ERI2: variants seen among roughly 807,000 people sequenced by gnomAD.
ERI2 encodes the protein ERI1 exoribonuclease 2.
ERI2 carries 35 observed loss-of-function variants against 46.8 expected under a neutral mutation model. That is an observed-to-expected ratio of 0.75 (90% CI 0.57 to 0.99). The LOEUF is 0.99. Among genes scored for constraint, ERI2 ranks in the 50% least tolerant of loss-of-function variants. The probability of loss-of-function intolerance (pLI) is 0.00; values close to 1 mark genes in which losing one functional copy is unlikely to be tolerated. For synonymous variants in ERI2, 224 were observed against 271.0 expected, an observed-to-expected ratio of 0.83 and a Z score of 1.70; for missense variants, 695 against 796.2, an observed-to-expected ratio of 0.87 and a Z score of 1.53.
chr16:20,797,210 T>A lies in ERI2; in HGVS notation c.*514A>T, dbSNP rs76234554. On this transcript the variant is annotated 3_prime_UTR_variant, in exon 9 of 9. Coordinates refer to ENST00000357967, the MANE Select transcript of ERI2 (RefSeq NM_001142725.2). ...TTAATATAAAAATAATACCATCAATTGCTGATTAATTTTTAAATGTATAGT... is the reference window on the plus strand; with the variant it reads ...TTAATATAAAAATAATACCATCAATAGCTGATTAATTTTTAAATGTATAGT... The A allele has an allele frequency of 3.1e-5, 38 of 1,220,208 alleles. No homozygotes were observed. The East Asian group carries it at 1.8e-3, about 56-fold the overall frequency. 75.6% of individuals were successfully genotyped at this position (1,220,208 alleles called of 1,614,324 possible). A position where few individuals can be genotyped will look rare whatever the true frequency, so the allele number is the denominator to read the frequency against.
At chr16:20,788,209 C>T (rs2080516790) in intron 10 of ERI2, among the ~76,000 whole-genome samples, 1 of 152,088 alleles carries the variant, frequency 6.6e-6, no homozygotes, top group Non-Finnish European at 1.5e-5. Flanking sequence ...TAACAGGCTA[C>T]CTTAGGTTGA....
chr16:20,802,649 G>T, intron 4 of ERI2, 147 bp downstream of exon 4: 2 of 854,210 alleles, frequency 2.3e-6, no homozygotes, highest in Non-Finnish European at 3.3e-6. Flanking sequence ...CTGGCCTCAA[G>T]CAATTCTCGA....
intron 9 of ERI2, chr16:20,789,676 C>G: frequency 1.8e-6 from 1 of 548,850 alleles, no homozygotes; most frequent in Non-Finnish European, 3.2e-6. Context: ...TAAAGCAACT[C>G]TATTTTTCTT....
intron 10 of ERI2, chr16:20,789,475 T>C (rs778604727): frequency 1.2e-6 from 2 of 1,607,712 alleles, no homozygotes; most frequent in South Asian, 1.1e-5. Context: ...TGTGGCTTAC[T>C]TACCATTGTC....
intron 7 of ERI2, chr16:20,799,594 C>T: frequency 3.9e-6 from 2 of 508,948 alleles, no homozygotes; most frequent in Non-Finnish European, 6.9e-6. Flanking sequence ...ATGTATTAGA[C>T]AGTTCCCCAA....
chr16:20,780,413 C>A, exon 11 of ERI2: 1 of 543,566 alleles, frequency 1.8e-6, no homozygotes, highest in Non-Finnish European at 3.2e-6. Flanking sequence ...CCTTACTCTG[C>A]TGGAGGTATG....
At chr16:20,801,452 A>G in intron 4 of ERI2, 93 bp from the exon 5 acceptor site, 3 of 1,337,786 alleles carry the variant, frequency 2.2e-6, no homozygotes, top group Non-Finnish European at 3.0e-6. Context: ...AATGGTTTTA[A>G]AAGAATCAGA....
chr16:20,798,519 AACTGTACAGTCTACG>A lies in ERI2; in HGVS notation c.1266_1280del (p.Val423_Val427del). 1 of 1,551,612 alleles carries A rather than the reference AACTGTACAGTCTACG, an allele frequency of 6.4e-7. No individual in the cohort carries two copies. Among genetic ancestry groups the A allele is most frequent in the Non-Finnish European group, 8.7e-7 (1 of 1,146,896 alleles). The stretch of plus-strand genomic sequence containing the variant: ...TCTCTAAGTCTGAGTCACTAATGGG[AACTGTACAGTCTACG>A]TTTTCCTCAGGCTGAGATGCTGGCA... On this transcript the variant is annotated inframe_deletion, in exon 9 of 9. Coordinates refer to ENST00000357967, the MANE Select transcript of ERI2 (RefSeq NM_001142725.2).
At chr16:20,780,779 C>T in intron 10 of ERI2, 9 of 1,614,160 alleles carry the variant, frequency 5.6e-6, no homozygotes, top group Middle Eastern at 1.6e-4. Context: ...ATATTCTTTA[C>T]CAGTGGAACA....
At chr16:20,793,390 AC>A (rs35457598), downstream of ERI2, among the ~76,000 whole-genome samples, 2 of 152,140 alleles carry the variant, frequency 1.3e-5, no homozygotes, top group African/African-American at 2.4e-5. Flanking sequence ...AATCACTTGG[AC>A]CCGGGACGGG....
rs770094810 is a variant in ERI2 at position 20,797,901 on chromosome 16, A to G, written c.1899T>C (p.Cys633=). Residue 633 remains cysteine, a synonymous_variant, in exon 9 of 9, where the codon TGT becomes TGC. Coordinates refer to ENST00000357967, the MANE Select transcript of ERI2 (RefSeq NM_001142725.2). ...TTTGTTCCCATTTGAAATAACCACA[A>G]CATTTTCTGTTTTCTTGGTATTTCC... ...PIGKYQENRK[C]CGYFKWEQTL... is the part of the protein sequence containing the mutation. 138 of 1,551,706 alleles carry G rather than the reference A, an allele frequency of 8.9e-5. No homozygotes were observed. Among genetic ancestry groups the G allele is most frequent in the Non-Finnish European group, 1.1e-4 (128 of 1,146,932 alleles).
Position 20,798,076 on chromosome 16 carries a change from G to C in ERI2, c.1724C>G (p.Ser575Cys). 6.4e-7 allele frequency: 1 copy of C among 1,551,548 alleles called. No individual in the cohort carries two copies. Among genetic ancestry groups the C allele is most frequent in the African/African-American group, 1.4e-5 (1 of 73,134 alleles). ...VRSSSWRRLP[S>C]ILTSTVNLQE... is the part of the protein sequence containing the mutation. ...TAGGTTAACTGTAGAAGTTAATATAGATGGGAGACGCCTCCAGGAAGAACT... is the reference window on the plus strand; with the variant it reads ...TAGGTTAACTGTAGAAGTTAATATACATGGGAGACGCCTCCAGGAAGAACT... The change falls in exon 9 of 9, where the codon TCT (serine) becomes TGT (cysteine). Residue 575 changes from serine (S) to cysteine (C), a missense_variant. Physicochemically the swap from Ser to Cys is moderately radical, Grantham distance 112 (BLOSUM62 -1). Coordinates refer to ENST00000357967, the MANE Select transcript of ERI2 (RefSeq NM_001142725.2).
intron 10 of ERI2, chr16:20,781,013 T>C: frequency 6.2e-7 from 1 of 1,614,234 alleles, no homozygotes; most frequent in Non-Finnish European, 8.5e-7. Context: ...TGATGTGGAA[T>C]ACCTCAGATA....
At chr16:20,783,947 A>G (rs923438523) in intron 10 of ERI2, among the ~76,000 whole-genome samples, 4 of 152,148 alleles carry the variant, frequency 2.6e-5, no homozygotes, top group Middle Eastern at 3.2e-3. Context: ...GTAGGATTAC[A>G]GGTGTGCACC....
Position 20,796,551 on chromosome 16 carries a change from T to C in ERI2, c.*1173A>G. The C allele has an allele frequency of 6.3e-7, 1 of 1,592,394 alleles. No homozygotes were observed. Among genetic ancestry groups the C allele is most frequent in the Non-Finnish European group, 8.5e-7 (1 of 1,174,972 alleles). On this transcript the variant is annotated 3_prime_UTR_variant, in exon 9 of 9. Coordinates refer to ENST00000357967, the MANE Select transcript of ERI2 (RefSeq NM_001142725.2). ...TTGTGGACAATTTCAAGTGTTTATT[T>C]TTACATTTTAATGAATATTTTCTTC...
chr16:20,804,259 T>C (rs1350786705), intron 1 of ERI2, among the ~76,000 whole-genome samples: 1 of 152,228 alleles, frequency 6.6e-6, no homozygotes, highest in African/African-American at 2.4e-5. Flanking sequence ...CTGAAAATCT[T>C]ATTTTTCCCC....
rs1471436863 is a variant in ERI2 at position 20,798,842 on chromosome 16, T to A, written c.958A>T (p.Ser320Cys). The change falls in exon 9 of 9, where the codon AGT becomes TGT. Residue 320 changes from serine (S) to cysteine (C), a missense_variant. Transcript: ENST00000357967. ...QLQVKNNIKA[S>C]LHNVKSSLPL... ...AAGGAACTTTTGACATTGTGAAGACTTGCTTTTATATTGTTTTTTACTTGT... is the reference window on the plus strand; with the variant it reads ...AAGGAACTTTTGACATTGTGAAGACATGCTTTTATATTGTTTTTTACTTGT... 6.4e-7 allele frequency: 1 copy of A among 1,551,150 alleles called. No homozygotes were observed. Among genetic ancestry groups the A allele is most frequent in the Admixed American group, 2.0e-5 (1 of 50,898 alleles).
chr16:20,792,977 C>T (rs938767118), downstream of ERI2, among the ~76,000 whole-genome samples: 1 of 152,194 alleles, frequency 6.6e-6, no homozygotes, highest in African/African-American at 2.4e-5. Context: ...TACAAGTTCT[C>T]ACAAGTATTT....
chr16:20,780,771 A>G (rs1567353625), intron 10 of ERI2: 2 of 1,614,192 alleles, frequency 1.2e-6, no homozygotes, highest in Non-Finnish European at 1.7e-6. Context: ...TCATGGCCAT[A>G]TTCTTTACCA....
Sources: allele counts gnomAD v4.1 joint callset (sites outside exome capture counted in the v4.1 genomes callset), GRCh38; gene constraint gnomAD v4.1.1; transcripts MANE v1.5; gene names NCBI Gene and HGNC (gene_info 2026-07-23, HGNC 2026-07-21).